Variants in NMNAT3 observed in about 807,000 individuals in gnomAD.
NMNAT3 encodes nicotinamide/nicotinic acid mononucleotide adenylyltransferase 3.
A neutral mutation model predicts 24.8 loss-of-function variants in NMNAT3; 21 were observed. The ratio of observed to expected loss-of-function variants is 0.85; its 90% CI spans 0.60 to 1.22. NMNAT3 has a LOEUF of 1.22. NMNAT3 is among the 50% of genes most tolerant of loss of function. The pLI is 0.00. For missense variants in NMNAT3, 387 were observed against 436.6 expected (o/e 0.89, Z 1.01); for synonymous variants, 136 against 155.2 (o/e 0.88, Z 0.92).
intron 1 of NMNAT3, among the ~76,000 whole-genome samples, chr3:139,647,924 G>C (rs2108377499): frequency 6.6e-6 from 1 of 152,316 alleles, no homozygotes; most frequent in South Asian, 2.1e-4. Context: ...AAGAGTTTCA[G>C]TTTGTACAAA....
intron 1 of NMNAT3, among the ~76,000 whole-genome samples, chr3:139,650,816 C>T (rs1486890759): frequency 6.6e-6 from 1 of 152,196 alleles, no homozygotes. Flanking sequence ...TTCTCTACTC[C>T]ATTTCCCTTC....
intron 1 of NMNAT3, among the ~76,000 whole-genome samples, chr3:139,652,298 C>T (rs779018062): frequency 3.9e-5 from 6 of 152,208 alleles, no homozygotes; most frequent in Admixed American, 2.0e-4. Flanking sequence ...GGTTAAATGG[C>T]TCCGGGTGAA....
chr3:139,613,856 A>T (rs1271743499), intron 3 of NMNAT3, among the ~76,000 whole-genome samples: 2 of 152,106 alleles, frequency 1.3e-5, no homozygotes, highest in Admixed American at 1.3e-4. Flanking sequence ...GAAGCTGGAA[A>T]CCATCATTCT....
At chr3:139,649,753 C>T (rs1349866521) in intron 1 of NMNAT3, among the ~76,000 whole-genome samples, 1 of 152,170 alleles carries the variant, frequency 6.6e-6, no homozygotes, top group Non-Finnish European at 1.5e-5. Context: ...CCCCAAAACA[C>T]ACCCAAACCA....
At chr3:139,568,305 T>C (rs915968369) in intron 6 of NMNAT3, 2 of 152,242 alleles carry the variant, frequency 1.3e-5, no homozygotes, top group African/African-American at 4.8e-5. Flanking sequence ...CCTGGATTCA[T>C]TACTTTTTTG....
chr3:139,676,734 T>C (rs1020550983), intron 1 of NMNAT3, among the ~76,000 whole-genome samples: 2 of 152,194 alleles, frequency 1.3e-5, no homozygotes, highest in Non-Finnish European at 2.9e-5. Flanking sequence ...AATGAACAAC[T>C]AAACCAGTCA....
rs758086645 is a variant in NMNAT3 at position 139,578,996 on chromosome 3, CT to C, written c.450del (p.Asp151ThrfsTer38). ...ACTCGGTGATGAGAAGCTGCGAGGT[CT>C]TTCTTCCCATAGGTGTCGTTGACAG... is the stretch of plus-strand genomic sequence containing the variant. On this transcript the variant is annotated frameshift_variant, in exon 5 of 7. Coordinates refer to ENST00000643695, the MANE Select transcript of NMNAT3 (RefSeq NM_001320510.2). LOFTEE classifies it high-confidence loss of function. 1.7e-5 allele frequency: 27 copies of C among 1,614,090 alleles called. No individual in the cohort carries two copies.
intron 1 of NMNAT3, among the ~76,000 whole-genome samples, chr3:139,660,116 A>T (rs1004939205): frequency 6.6e-6 from 1 of 152,200 alleles, no homozygotes; most frequent in African/African-American, 2.4e-5. Context: ...AGCCAGTGTC[A>T]ACTAGGTCTG....
At chr3:139,676,385 A>G (rs182524674) in intron 1 of NMNAT3, among the ~76,000 whole-genome samples, 1 of 152,352 alleles carries the variant, frequency 6.6e-6, no homozygotes, top group East Asian at 1.9e-4. Context: ...GCAAGGTCCC[A>G]GCATAGTTGC....
At chr3:139,671,331 C>G (rs2057749539) in intron 1 of NMNAT3, among the ~76,000 whole-genome samples, 1 of 152,196 alleles carries the variant, frequency 6.6e-6, no homozygotes, top group South Asian at 2.1e-4. Flanking sequence ...ACATAATACT[C>G]CATCAGCCTG....
chr3:139,613,456 G>A (rs1016517217), intron 3 of NMNAT3, among the ~76,000 whole-genome samples: 45 of 152,274 alleles, frequency 3.0e-4, no homozygotes, highest in African/African-American at 9.6e-4. Context: ...TACCAGTTAG[G>A]ATGGCAATCA....
At chr3:139,585,795 G>A (rs1006806834) in intron 3 of NMNAT3, among the ~76,000 whole-genome samples, 6 of 152,222 alleles carry the variant, frequency 3.9e-5, no homozygotes, top group African/African-American at 1.4e-4. Flanking sequence ...AAAGCACTAA[G>A]GCTTCTCAGA....
intron 3 of NMNAT3, chr3:139,599,435 A>G (rs1268312390): frequency 1.4e-6 from 1 of 701,554 alleles, no homozygotes; most frequent in Admixed American, 2.0e-5. Context: ...GCTGAAGTGC[A>G]CCCTGGGAAA....
chr3:139,560,955 C>T lies in NMNAT3; in HGVS notation c.*55G>A, dbSNP rs528199865. On this transcript the variant is annotated 3_prime_UTR_variant, in exon 7 of 7. Transcript: ENST00000643695. ...CAAAGTAAAACAGAAACCTTAACAGCCCTCTCCCCAGCAGGAGCTTGTTGG... is the reference window on the plus strand; with the variant it reads ...CAAAGTAAAACAGAAACCTTAACAGTCCTCTCCCCAGCAGGAGCTTGTTGG... 1.7e-4 allele frequency: 261 copies of T among 1,545,178 alleles called. 6 individuals carry two copies. In the South Asian group the frequency reaches 3.1e-3, roughly 18 times the overall value.
chr3:139,626,879 A>G (rs1174365189), intron 3 of NMNAT3, among the ~76,000 whole-genome samples: 1 of 152,190 alleles, frequency 6.6e-6, no homozygotes, highest in East Asian at 1.9e-4. Context: ...CTTAAAGGCA[A>G]ACTTTTTACA....
At chr3:139,591,523 G>A (rs1191319608) in intron 3 of NMNAT3, among the ~76,000 whole-genome samples, 1 of 152,164 alleles carries the variant, frequency 6.6e-6, no homozygotes, top group African/African-American at 2.4e-5. Context: ...GCAGGGTACA[G>A]ACAAACAAAA....
At chr3:139,588,134 A>G (rs1240978988) in intron 3 of NMNAT3, among the ~76,000 whole-genome samples, 1 of 152,098 alleles carries the variant, frequency 6.6e-6, no homozygotes, top group Non-Finnish European at 1.5e-5. Flanking sequence ...CTAGGTCACA[A>G]TCCCAGTGAC....
chr3:139,622,090 T>TA (rs1389203799), intron 3 of NMNAT3, among the ~76,000 whole-genome samples: 3 of 152,194 alleles, frequency 2.0e-5, no homozygotes, highest in Non-Finnish European at 4.4e-5. Context: ...TTCCTTTGGG[T>TA]AGATACCTTG....
At chr3:139,676,628 CA>C (rs916492534) in intron 1 of NMNAT3, among the ~76,000 whole-genome samples, 33 of 152,294 alleles carry the variant, frequency 2.2e-4, no homozygotes, top group African/African-American at 7.7e-4. Context: ...TCACCTGGCC[CA>C]CCGGACATGG....
Sources: gnomAD v4.1 joint callset for allele counts (sites outside exome capture counted in the v4.1 genomes callset) on GRCh38, gnomAD v4.1.1 for gene constraint, MANE v1.5 for transcripts, NCBI Gene and HGNC (gene_info 2026-07-23, HGNC 2026-07-21) for gene names.